The following DNAH1 variants were observed in gnomAD, a reference collection of about 807,000 sequenced individuals.
The protein encoded by DNAH1 is dynein axonemal heavy chain 1.
Under a neutral mutation model 484.3 loss-of-function variants are expected in DNAH1, and 327 were observed. That is an observed-to-expected ratio of 0.68 (90% confidence interval 0.62 to 0.74). DNAH1 has a LOEUF of 0.74. DNAH1 is among the 30% of genes least tolerant of loss of function. The pLI, the probability that DNAH1 is intolerant of heterozygous loss-of-function variation, is 0.00. For missense variants in DNAH1, 5,052 were observed against 5,546.8 expected (o/e 0.91, Z 2.83); for synonymous variants, 2,192 against 2,191.9 (o/e 1.00, Z 0.00).
intron 6 of DNAH1, among the ~76,000 whole-genome samples, chr3:52,329,427 G>A (rs1457374551): frequency 6.6e-6 from 1 of 152,172 alleles, no homozygotes; most frequent in African/African-American, 2.4e-5. Context: ...TATAGACCTT[G>A]TTTACCATCC....
upstream of DNAH1, among the ~76,000 whole-genome samples, chr3:52,316,121 C>G (rs1700941163): frequency 6.6e-6 from 1 of 152,210 alleles, no homozygotes; most frequent in African/African-American, 2.4e-5. Context: ...CAGCCACAGC[C>G]CCTGTGATGT....
At chr3:52,326,094 G>T (rs765487935) in intron 3 of DNAH1, 46 bp from the exon 4 acceptor site, 7 of 1,461,180 alleles carry the variant, frequency 4.8e-6, no homozygotes, top group Non-Finnish European at 5.4e-6. Flanking sequence ...TGGTTTTTGG[G>T]TGCTGGCCTG....
At chr3:52,359,776 C>T in intron 26 of DNAH1, 140 bp from the exon 27 acceptor site, 5 of 1,144,454 alleles carry the variant, frequency 4.4e-6, no homozygotes, top group Non-Finnish European at 6.3e-6. Flanking sequence ...CTGCCCGGTC[C>T]CTGCTCCCCT....
rs1702835075 is a variant in DNAH1, at chr3:52,361,045, C to T, written c.4686-119C>T. 42 of 1,000,154 alleles carry T rather than the reference C, an allele frequency of 4.2e-5. No homozygotes were observed. Among genetic ancestry groups the T allele is most frequent in the Non-Finnish European group, 5.5e-5 (41 of 743,578 alleles). 62.0% of individuals were successfully genotyped at this position (1,000,154 alleles called of 1,614,324 possible). ...TCCTGACCCCGGAGCCAGGGCTGGG[C>T]ACACCCCAGCCCACCAAAAGGGGAC... On this transcript the variant is annotated intron_variant, in intron 28 of 77. Coordinates refer to ENST00000420323, the MANE Select transcript of DNAH1 (RefSeq NM_015512.5). This position sits in a 1 kb window ranked among gnomAD's most constrained non-coding sequence, Gnocchi z 5.6.
Position 52,332,406 on chromosome 3 carries a change from C to G in DNAH1, c.1286+12C>G. On this transcript the variant is annotated intron_variant, in intron 8 of 77. Coordinates refer to ENST00000420323, the MANE Select transcript of DNAH1 (RefSeq NM_015512.5). ...CGCAAAGGCCCCTCGTGAGTCCCCG[C>G]TCGGCCTTCCCTATTCTGGGCATCA... 1 of 1,609,664 alleles carries G rather than the reference C, an allele frequency of 6.2e-7. No homozygotes were observed. The highest frequency in any genetic ancestry group is 8.5e-7 in the Non-Finnish European group (1 of 1,178,728).
intron 1 of DNAH1, among the ~76,000 whole-genome samples, chr3:52,318,705 T>A (rs1701038383): frequency 6.6e-6 from 1 of 152,142 alleles, no homozygotes; most frequent in African/African-American, 2.4e-5. Context: ...AGAGGTACAC[T>A]GGAGGGGAAA....
chr3:52,365,175 C>T (rs568072538), intron 34 of DNAH1, among the ~76,000 whole-genome samples, 156 bp downstream of exon 34: 1 of 152,340 alleles, frequency 6.6e-6, no homozygotes, highest in East Asian at 1.9e-4. Flanking sequence ...AATCCAGAGG[C>T]AGGGCAGATG....
At chr3:52,321,128 T>G (rs977868467) in intron 1 of DNAH1, among the ~76,000 whole-genome samples, 30 of 151,424 alleles carry the variant, frequency 2.0e-4, no homozygotes, top group Non-Finnish European at 4.4e-5. Context: ...TTTTCTTTTT[T>G]TTTTTGAGAT....
chr3:52,322,650 A>G lies in DNAH1; in HGVS notation c.208A>G (p.Thr70Ala). 1 of 1,613,768 alleles carries G rather than the reference A, an allele frequency of 6.2e-7. No individual in the cohort carries two copies. The highest frequency in any genetic ancestry group is 1.3e-5 in the African/African-American group (1 of 74,976). ...PHLPLPPAPPTLSDLGQPRKS... is the reference protein window; with the variant it reads ...PHLPLPPAPPALSDLGQPRKS... ...TTTACCCCTGCCCCCGGCCCCACCC[A>G]CACTCTCAGACTTGGGGCAGCCACG... The change falls in exon 2 of 78, where the codon ACA becomes GCA. Residue 70 changes from threonine (T) to alanine (A), a missense_variant. By Grantham distance (58) the Thr-to-Ala change is moderately conservative. This residue lies in a region of DNAH1 where 1,263 missense variants were observed against 1,218.8 expected (regional missense o/e 1.04). Transcript: ENST00000420323.
intron 41 of DNAH1, 46 bp downstream of exon 41, chr3:52,370,871 G>A: frequency 6.5e-7 from 1 of 1,539,282 alleles, no homozygotes; most frequent in South Asian, 1.2e-5. Flanking sequence ...GGGACCACTG[G>A]GTGGCTGCTG....
rs573827518 is a variant in DNAH1 at position 52,349,313 on chromosome 3, T to C, written c.2419T>C (p.Tyr807His). Residue 807 changes from tyrosine to histidine, a missense_variant, in exon 14 of 78, where the codon TAC becomes CAC. By Grantham distance (83) the Tyr-to-His change is moderately conservative. Transcript: ENST00000420323. Reference protein sequence around the residue: ...LPSSIIIGPFYINTDNVKQSL... With the variant: ...LPSSIIIGPFHINTDNVKQSL... ...CAGCAGCATCATCATTGGGCCTTTC[T>C]ACATCAACACCGACAATGTCAAGCA... 7 of 1,613,990 alleles carry C rather than the reference T, an allele frequency of 4.3e-6. No individual in the cohort carries two copies. Among genetic ancestry groups the C allele is most frequent in the African/African-American group, 2.7e-5 (2 of 75,058 alleles).
In DNAH1 at chr3:52,393,320, TCTC is replaced by T. The variant is rs1177230039; in HGVS notation, c.10475-12_10475-10del. ...CTCACCTCTCCGCGCTGCCATCACTTCTCCACTCCACAGACAACCTGAAGAAGC... is the reference window on the plus strand; with the variant it reads ...CTCACCTCTCCGCGCTGCCATCACTTCACTCCACAGACAACCTGAAGAAGC... On this transcript the variant is annotated splice_polypyrimidine_tract_variant and intron_variant, in intron 65 of 77. Coordinates refer to ENST00000420323, the MANE Select transcript of DNAH1 (RefSeq NM_015512.5). 6 of 1,613,256 alleles carry T rather than the reference TCTC, an allele frequency of 3.7e-6. No individual in the cohort carries two copies. The South Asian group carries it at 6.6e-5, about 18-fold the overall frequency.
At chr3:52,340,691 T>A (rs1406781477) in intron 8 of DNAH1, among the ~76,000 whole-genome samples, 1 of 152,120 alleles carries the variant, frequency 6.6e-6, no homozygotes, top group African/African-American at 2.4e-5. Context: ...CACCTCGGCC[T>A]CCCAAAGTGC....
Position 52,352,863 on chromosome 3 carries a change from A to T in DNAH1, c.3027+156A>T, listed in dbSNP as rs148205374. Among the ~76,000 whole-genome samples the T allele has an allele frequency of 3.3e-3, 502 of 152,216 alleles. 3 individuals are homozygous for T. Among genetic ancestry groups the T allele is most frequent in the African/African-American group, 0.012 (483 of 41,530 alleles). ...CCCAACCCTGGCCCTCAGGTTGAGGAGGCCCCTAGTACAAGGCAGGTGGCC... is the reference window on the plus strand; with the variant it reads ...CCCAACCCTGGCCCTCAGGTTGAGGTGGCCCCTAGTACAAGGCAGGTGGCC... On this transcript the variant is annotated intron_variant, in intron 18 of 77. Coordinates refer to ENST00000420323, the MANE Select transcript of DNAH1 (RefSeq NM_015512.5).
rs1008900109 is a variant in DNAH1 at position 52,361,992 on chromosome 3, A to G, written c.4980+226A>G. On this transcript the variant is annotated intron_variant, in intron 30 of 77. Transcript: ENST00000420323. The surrounding 1 kb of genome is among the most constrained non-coding windows in gnomAD (Gnocchi z 5.6). ...CATCCTGACCTTTATGGAAAGCCCC[A>G]GGCATTGGTCCTTTCTCTAGCCACG... Among the ~76,000 whole-genome samples, 2 of 152,236 alleles carry G rather than the reference A, an allele frequency of 1.3e-5. No individual in the cohort carries two copies. Among genetic ancestry groups the G allele is most frequent in the Non-Finnish European group, 2.9e-5 (2 of 68,042 alleles).
chr3:52,363,223 C>T (rs1439567382), intron 32 of DNAH1, 79 bp downstream of exon 32: 3 of 1,569,560 alleles, frequency 1.9e-6, no homozygotes, highest in Admixed American at 3.4e-5. Context: ...TGCTGAGGGC[C>T]AGGCTCTATG....
At chr3:52,345,338 C>T (rs570131344) in intron 9 of DNAH1, among the ~76,000 whole-genome samples, 157 bp from the exon 10 acceptor site, 4 of 152,270 alleles carry the variant, frequency 2.6e-5, no homozygotes, top group African/African-American at 4.8e-5. Context: ...AGTGCCACTC[C>T]GGCAAACTAT....
Position 52,386,756 on chromosome 3 carries a change from A to G in DNAH1, c.8906A>G (p.Glu2969Gly). The G allele has an allele frequency of 1.9e-6, 3 of 1,588,234 alleles. No homozygotes were observed. The highest frequency in any genetic ancestry group is 2.6e-6 in the Non-Finnish European group (3 of 1,167,634). Residue 2969 changes from glutamate (E) to glycine (G), a missense_variant, in exon 56 of 78, where the codon GAA becomes GGA. Around this residue, in one of 4 missense-constraint regions of DNAH1, gnomAD observed 2,929 missense variants for 3,409.4 expected, o/e 0.86. Coordinates refer to ENST00000420323, the MANE Select transcript of DNAH1 (RefSeq NM_015512.5). ...KGIKPKKVPGEKPGTKVDDYW... is the reference protein window; with the variant it reads ...KGIKPKKVPGGKPGTKVDDYW... ...ATCAAGCCCAAGAAGGTGCCTGGAG[A>G]AAAGCCAGGCACCAAGGTGGATGAC... is the stretch of plus-strand genomic sequence containing the variant.
rs201085669 is a variant in DNAH1 at position 52,357,977 on chromosome 3, C to T, written c.4060C>T (p.Arg1354Cys). The T allele has an allele frequency of 2.4e-5, 39 of 1,611,988 alleles. No homozygotes were observed. The African/African-American group carries it at 4.5e-4, about 19-fold the overall frequency. The stretch of plus-strand genomic sequence containing the variant: ...CCCCACGGCCGTGCAGCCACACCTG[C>T]GCAAGTGCTTCGAGAACATCGCTCG... ...KDPTAVQPHL[R>C]KCFENIARLL... Residue 1354 changes from arginine to cysteine, a missense_variant, in exon 24 of 78, where the codon CGC (arginine) becomes TGC (cysteine). Coordinates refer to ENST00000420323, the MANE Select transcript of DNAH1 (RefSeq NM_015512.5).
Sources: gnomAD v4.1 joint callset for allele counts (sites outside exome capture counted in the v4.1 genomes callset) on GRCh38, gnomAD v4.1.1 for gene constraint, gnomAD v4.1.1 regional missense constraint, Gnocchi (gnomAD v3.1) non-coding constraint, MANE v1.5 for transcripts, NCBI Gene and HGNC (gene_info 2026-07-23, HGNC 2026-07-21) for gene names.